Variants in CNTN1 observed in about 807,000 individuals in gnomAD.
CNTN1 encodes the protein contactin-1.
A neutral mutation model predicts 126.4 loss-of-function variants in CNTN1; 38 were observed. The observed-to-expected ratio is 0.30, with a 90% CI of 0.23 to 0.39. The LOEUF (loss-of-function observed/expected upper bound fraction) is 0.39. Among genes scored for constraint, CNTN1 ranks in the 10% least tolerant of loss-of-function variants. The pLI is 1.00. For synonymous variants in CNTN1, 413 were observed against 422.6 expected (o/e 0.98, Z 0.28); for missense variants, 1,009 against 1,248.4 (o/e 0.81, Z 2.89).
intron 14 of CNTN1, among the ~76,000 whole-genome samples, chr12:40,957,447 CTTTT>C (rs34057125): frequency 1.4e-5 from 2 of 143,378 alleles, no homozygotes; most frequent in Middle Eastern, 3.3e-3. Context: ...TTTACCCTAC[CTTTT>C]TTTTTTTTTT....
At chr12:41,064,134 A>G (rs936136219) in intron 23 of CNTN1, among the ~76,000 whole-genome samples, 2 of 150,570 alleles carry the variant, frequency 1.3e-5, no homozygotes, top group Non-Finnish European at 2.9e-5. Flanking sequence ...AGATCGCGCC[A>G]CTGCACTGCA....
intron 1 of CNTN1, among the ~76,000 whole-genome samples, chr12:40,766,281 C>T (rs145054776): frequency 8.0e-5 from 12 of 150,314 alleles, no homozygotes; most frequent in Admixed American, 6.7e-5. Flanking sequence ...CACTTGAACC[C>T]GGGAAGTGGT....
At chr12:41,038,454 G>T (rs778182611) in intron 23 of CNTN1, among the ~76,000 whole-genome samples, 2 of 151,968 alleles carry the variant, frequency 1.3e-5, no homozygotes, top group Non-Finnish European at 2.9e-5. Context: ...TTCCCTCAGT[G>T]TGTGTGTGTG....
At chr12:41,050,217 A>T (rs926024897) in intron 23 of CNTN1, among the ~76,000 whole-genome samples, 1 of 152,184 alleles carries the variant, frequency 6.6e-6, no homozygotes, top group Non-Finnish European at 1.5e-5. Flanking sequence ...CTATAATATT[A>T]TTATAAATTT....
intron 1 of CNTN1, among the ~76,000 whole-genome samples, chr12:40,812,748 A>G (rs1941112637): frequency 6.6e-6 from 1 of 152,086 alleles, no homozygotes; most frequent in African/African-American, 2.4e-5. Flanking sequence ...ATATCTTCTT[A>G]CATCCCTTCA....
intron 6 of CNTN1, among the ~76,000 whole-genome samples, chr12:40,927,065 T>C (rs897693981): frequency 2.6e-5 from 4 of 152,030 alleles, no homozygotes; most frequent in Admixed American, 2.0e-4. Context: ...TGATTCATCA[T>C]TCAATAAGTT....
chr12:40,768,134 A>T (rs898167202), intron 1 of CNTN1, among the ~76,000 whole-genome samples: 1 of 152,234 alleles, frequency 6.6e-6, no homozygotes, highest in African/African-American at 2.4e-5. Context: ...AAATTCCTTT[A>T]CAACATTTGT....
At chr12:40,747,258 T>C (rs1053912285) in intron 1 of CNTN1, among the ~76,000 whole-genome samples, 18 of 151,870 alleles carry the variant, frequency 1.2e-4, no homozygotes, top group African/African-American at 4.1e-4. Context: ...TTCAAACCAG[T>C]TGAATTTTGT....
intron 1 of CNTN1, among the ~76,000 whole-genome samples, chr12:40,905,773 G>T (rs917430826): frequency 6.6e-6 from 1 of 152,016 alleles, no homozygotes; most frequent in East Asian, 1.9e-4. Context: ...TTTTGTATGT[G>T]TAACTCAATG....
Position 40,924,596 on chromosome 12 carries a change from G to A in CNTN1, c.440G>A (p.Arg147Lys). ...CCACCTGAGGAACGTCCTGAGGTCA[G>A]AGTAAAAGAAGGGAAAGGAATGGTG... The part of the protein sequence containing the change: ...PFPPEERPEV[R>K]VKEGKGMVLL... Residue 147 changes from arginine (R) to lysine (K), a missense_variant, in exon 6 of 24, where the codon AGA (arginine) becomes AAA (lysine). Physicochemically the swap from Arg to Lys is conservative, Grantham distance 26. Coordinates refer to ENST00000551295, the MANE Select transcript of CNTN1 (RefSeq NM_001843.4). The A allele has an allele frequency of 6.2e-7, 1 of 1,608,746 alleles. No individual in the cohort carries two copies. The highest frequency in any genetic ancestry group is 8.5e-7 in the Non-Finnish European group (1 of 1,175,686).
intron 1 of CNTN1, among the ~76,000 whole-genome samples, chr12:40,853,012 G>A (rs1382642985): frequency 2.0e-5 from 3 of 151,580 alleles, no homozygotes; most frequent in Non-Finnish European, 4.4e-5. Flanking sequence ...TCTCCATTGC[G>A]TTAACATAAA....
At chr12:40,873,028 T>A (rs1943556146) in intron 1 of CNTN1, among the ~76,000 whole-genome samples, 1 of 152,102 alleles carries the variant, frequency 6.6e-6, no homozygotes, top group Non-Finnish European at 1.5e-5. Flanking sequence ...TAAACCCCAG[T>A]CAGGCTGACA....
At chr12:40,971,434 G>A (rs767685182) in intron 15 of CNTN1, 5 of 1,594,654 alleles carry the variant, frequency 3.1e-6, no homozygotes, top group Non-Finnish European at 4.2e-6. Flanking sequence ...CCTCTTGCAG[G>A]TAAAAACAGA....
Position 40,801,010 on chromosome 12 carries a change from G to GTTTTTTTTTTTTTTT in CNTN1, c.-76-107343_-76-107342insTTTTTTTTTTTTTTT, listed in dbSNP as rs35813803. Among the ~76,000 whole-genome samples the GTTTTTTTTTTTTTTT allele has an allele frequency of 3.5e-5, 5 of 142,728 alleles. 1 individual carries two copies. Among genetic ancestry groups the GTTTTTTTTTTTTTTT allele is most frequent in the Non-Finnish European group, 4.6e-5 (3 of 65,810 alleles). The allele number at this position is 142,728 out of a possible 152,430, so 93.6% of individuals were successfully genotyped here. A position where few individuals can be genotyped will look rare whatever the true frequency, so the allele number is the denominator to read the frequency against. On this transcript the variant is annotated intron_variant, in intron 1 of 23. Transcript: ENST00000551295. ...GTGGGTAACAGCAGGTCAAACTAGA[G>GTTTTTTTTTTTTTTT]TTTTGTTTTTTTTTTTTTTAAGATA...
intron 1 of CNTN1, among the ~76,000 whole-genome samples, chr12:40,902,540 T>C (rs1302040615): frequency 1.3e-5 from 2 of 152,168 alleles, no homozygotes; most frequent in East Asian, 1.9e-4. Flanking sequence ...GTACAATTTA[T>C]GGATAAAGGC....
chr12:40,958,063 C>T (rs1199599824), intron 14 of CNTN1, among the ~76,000 whole-genome samples: 1 of 151,900 alleles, frequency 6.6e-6, no homozygotes, highest in Non-Finnish European at 1.5e-5. Flanking sequence ...CATAGGAAAA[C>T]CAAATGTCCA....
chr12:40,720,989 A>AATT lies in CNTN1; in HGVS notation c.-77+28397_-77+28398insATT, dbSNP rs1942194277. On this transcript the variant is annotated intron_variant, in intron 1 of 23. Transcript: ENST00000551295. The stretch of plus-strand genomic sequence containing the variant: ...TGTGTATATATGTTATAACATATAT[A>AATT]CACATATATTTATACATATATGTAG... Among the ~76,000 whole-genome samples the AATT allele has an allele frequency of 4.6e-5, 7 of 151,766 alleles. No individual in the cohort carries two copies. The East Asian group carries it at 1.4e-3, about 29-fold the overall frequency.
chr12:40,886,667 C>T (rs559192848), intron 1 of CNTN1, among the ~76,000 whole-genome samples: 11 of 152,168 alleles, frequency 7.2e-5, no homozygotes, highest in Admixed American at 2.0e-4. Context: ...AATGGTATTG[C>T]CTAGGTTTTC....
At chr12:40,864,078 T>A (rs1353104846) in intron 1 of CNTN1, among the ~76,000 whole-genome samples, 1 of 142,432 alleles carries the variant, frequency 7.0e-6, no homozygotes, top group Non-Finnish European at 1.5e-5. Context: ...TGGAGTGCAA[T>A]GGTGCGATCT....
Sources: gnomAD v4.1 joint callset for allele counts (sites outside exome capture counted in the v4.1 genomes callset) on GRCh38, gnomAD v4.1.1 for gene constraint, MANE v1.5 for transcripts, NCBI Gene and HGNC (gene_info 2026-07-23, HGNC 2026-07-21) for gene names.